The following PLCB1 variants were observed in gnomAD, a reference collection of about 807,000 sequenced individuals.
PLCB1 encodes the protein 1-phosphatidylinositol 4,5-bisphosphate phosphodiesterase beta-1.
PLCB1 carries 46 observed loss-of-function variants against 161.8 expected under a neutral mutation model. The observed-to-expected ratio is 0.28, with a 90% CI of 0.22 to 0.36. The LOEUF (loss-of-function observed/expected upper bound fraction) is 0.36. Ranked by LOEUF, PLCB1 falls within the 10% of genes least tolerant of loss-of-function variation. The pLI, the probability that PLCB1 is intolerant of heterozygous loss-of-function variation, is 1.00. For missense variants in PLCB1, 1,016 were observed against 1,472.5 expected (o/e 0.69, Z 5.07); for synonymous variants, 517 against 503.7 (o/e 1.03, Z -0.35).
intron 2 of PLCB1, among the ~76,000 whole-genome samples, chr20:8,293,706 C>A (rs1983492950): frequency 6.6e-6 from 1 of 151,982 alleles, no homozygotes; most frequent in African/African-American, 2.4e-5. Context: ...ATTATTTTGA[C>A]CTCAGGGACC....
Position 8,765,366 on chromosome 20 carries a change from C to T in PLCB1, c.2930+8C>T, listed in dbSNP as rs767172522. 10 of 1,586,442 alleles carry T rather than the reference C, an allele frequency of 6.3e-6. No homozygotes were observed. In the African/African-American group the frequency reaches 1.4e-4, roughly 22 times the overall value. ...AAAGGACAGTAAGAAAAAGTAAGTTCAATGAATATTTTTAGTTGGTTTCAT... is the reference window on the plus strand; with the variant it reads ...AAAGGACAGTAAGAAAAAGTAAGTTTAATGAATATTTTTAGTTGGTTTCAT... On this transcript the variant is annotated splice_region_variant and intron_variant, in intron 26 of 31. Coordinates refer to ENST00000338037, the MANE Select transcript of PLCB1 (RefSeq NM_015192.4).
chr20:8,729,678 C>A (rs1296662890), intron 18 of PLCB1: 2 of 151,952 alleles, frequency 1.3e-5, no homozygotes, highest in African/African-American at 4.8e-5. Flanking sequence ...ACATGAATTT[C>A]AATAGCTGCA....
At chr20:8,167,624 GAATGTAT>G (rs1437943367) in intron 2 of PLCB1, among the ~76,000 whole-genome samples, 1 of 152,194 alleles carries the variant, frequency 6.6e-6, no homozygotes, top group African/African-American at 2.4e-5. Context: ...TGACGTAGTT[GAATGTAT>G]AATTAAATCT....
At chr20:8,793,908 C>G (rs1009642670) in intron 31 of PLCB1, among the ~76,000 whole-genome samples, 7 of 152,144 alleles carry the variant, frequency 4.6e-5, no homozygotes, top group Admixed American at 1.3e-4. Flanking sequence ...GACAGCTATG[C>G]CCGGGGGGCC....
intron 2 of PLCB1, among the ~76,000 whole-genome samples, chr20:8,348,728 G>A (rs116000555): frequency 0.024 from 3,624 of 152,218 alleles, 135 homozygotes; most frequent in African/African-American, 0.082. Flanking sequence ...ACTTACAGCT[G>A]AGCTTAAACT....
rs2051565604 is a variant in PLCB1 at position 8,156,535 on chromosome 20, G to A, written c.177+6164G>A. 2.6e-5 allele frequency among the ~76,000 whole-genome samples: 4 copies of A among 152,272 alleles called. No homozygotes were observed. In the South Asian group the frequency reaches 6.2e-4, roughly 24 times the overall value. On this transcript the variant is annotated intron_variant, in intron 2 of 31. Coordinates refer to ENST00000338037, the MANE Select transcript of PLCB1 (RefSeq NM_015192.4). ...ATGAAGGGTTTTAAAATGATTCCTTGGTTAAGAGAGATTGGAACATATTAA... is the reference window on the plus strand; with the variant it reads ...ATGAAGGGTTTTAAAATGATTCCTTAGTTAAGAGAGATTGGAACATATTAA...
chr20:8,673,567 C>T (rs1406049126), intron 9 of PLCB1, among the ~76,000 whole-genome samples: 1 of 152,146 alleles, frequency 6.6e-6, no homozygotes, highest in Non-Finnish European at 1.5e-5. Flanking sequence ...TCAGTGCCAG[C>T]GAGGCCTCTT....
chr20:8,335,406 C>T (rs937385990), intron 2 of PLCB1, among the ~76,000 whole-genome samples: 2 of 152,170 alleles, frequency 1.3e-5, no homozygotes, highest in African/African-American at 4.8e-5. Context: ...AACACAAAGT[C>T]CTAGACACCT....
intron 25 of PLCB1, among the ~76,000 whole-genome samples, chr20:8,762,350 G>A (rs1161671688): frequency 1.3e-5 from 2 of 152,316 alleles, no homozygotes; most frequent in African/African-American, 2.4e-5. Context: ...TACATTAGCT[G>A]TGATTATATC....
intron 2 of PLCB1, among the ~76,000 whole-genome samples, chr20:8,184,502 C>T (rs1281112211): frequency 6.6e-6 from 1 of 151,916 alleles, no homozygotes; most frequent in African/African-American, 2.4e-5. Flanking sequence ...CCATCTCAGC[C>T]TCTGAATTTG....
At chr20:8,308,854 G>A (rs1984257361) in intron 2 of PLCB1, among the ~76,000 whole-genome samples, 1 of 152,014 alleles carries the variant, frequency 6.6e-6, no homozygotes, top group African/African-American at 2.4e-5. Context: ...GCCATTCATA[G>A]CATTGTACTT....
intron 31 of PLCB1, among the ~76,000 whole-genome samples, chr20:8,813,970 G>A (rs912317769): frequency 2.0e-5 from 3 of 152,218 alleles, no homozygotes; most frequent in Non-Finnish European, 4.4e-5. Context: ...GGTCCAGTGT[G>A]AATGAAGCTT....
chr20:8,142,004 G>A (rs1225170019), intron 1 of PLCB1: 1 of 152,190 alleles, frequency 6.6e-6, no homozygotes, highest in Non-Finnish European at 1.5e-5. Context: ...CAACTGAGAG[G>A]CCAGATCTAT....
chr20:8,592,781 T>A (rs1987189560), intron 3 of PLCB1, among the ~76,000 whole-genome samples: 1 of 152,214 alleles, frequency 6.6e-6, no homozygotes, highest in African/African-American at 2.4e-5. Flanking sequence ...TATTTCTGTT[T>A]TTAATCTAGC....
At chr20:8,865,697 G>T (rs978003558) in intron 31 of PLCB1, among the ~76,000 whole-genome samples, 1 of 152,118 alleles carries the variant, frequency 6.6e-6, no homozygotes, top group African/African-American at 2.4e-5. Context: ...AAAGGGGAAA[G>T]AAATAGTAGA....
chr20:8,650,721 C>A (rs1262397651), intron 7 of PLCB1, among the ~76,000 whole-genome samples: 1 of 152,094 alleles, frequency 6.6e-6, no homozygotes, highest in Non-Finnish European at 1.5e-5. Flanking sequence ...AATTTCATCT[C>A]ACCTTAGCAT....
At chr20:8,815,767 T>C (rs1985058172) in intron 31 of PLCB1, among the ~76,000 whole-genome samples, 1 of 152,232 alleles carries the variant, frequency 6.6e-6, no homozygotes, top group Non-Finnish European at 1.5e-5. Context: ...CTGCTGATCA[T>C]AAAACAATTG....
chr20:8,458,839 A>G (rs1233534129), intron 3 of PLCB1, among the ~76,000 whole-genome samples: 1 of 152,254 alleles, frequency 6.6e-6, no homozygotes, highest in Admixed American at 6.5e-5. Flanking sequence ...AAAGGAAATC[A>G]TGCAGATGAA....
chr20:8,541,638 G>A (rs922242105), intron 3 of PLCB1, among the ~76,000 whole-genome samples: 3 of 141,408 alleles, frequency 2.1e-5, no homozygotes, highest in Non-Finnish European at 4.7e-5. Flanking sequence ...ATGTGGGCAT[G>A]GTTGACTAAT....
Sources: gnomAD v4.1 joint callset for allele counts (sites outside exome capture counted in the v4.1 genomes callset) on GRCh38, gnomAD v4.1.1 for gene constraint, MANE v1.5 for transcripts, NCBI Gene and HGNC (gene_info 2026-07-23, HGNC 2026-07-21) for gene names.